The following L1TD1 variants were observed in gnomAD, a reference collection of about 807,000 sequenced individuals.
L1TD1 encodes the protein LINE-1 type transposase domain-containing protein 1.
In L1TD1, 26 loss-of-function variants were observed where a neutral mutation model predicts 25.7. The ratio of observed to expected loss-of-function variants is 1.01; its 90% CI spans 0.74 to 1.40. L1TD1 has a LOEUF of 1.40. L1TD1 is among the 40% of genes most tolerant of loss of function. The pLI is 0.00. For synonymous variants in L1TD1, 421 were observed against 335.6 expected (o/e 1.25, Z -2.78); for missense variants, 1,130 against 975.0 (o/e 1.16, Z -2.12).
chr1:62,206,717 T>C lies in L1TD1; in HGVS notation c.89T>C (p.Leu30Ser). 1.3e-6 allele frequency: 2 copies of C among 1,550,956 alleles called. No individual in the cohort carries two copies. The highest frequency in any genetic ancestry group is 1.7e-6 in the Non-Finnish European group (2 of 1,146,728). Residue 30 changes from leucine (L) to serine (S), a missense_variant, in exon 3 of 4, where the codon TTA becomes TCA. Leu to Ser is a moderately radical substitution (Grantham distance 145). Transcript: ENST00000498273. ...ENITYMKREQ[L>S]TETDKDIAPV... ...ATCACCTATATGAAAAGAGAGCAGTTAACAGAAACTGATAAGGACATAGCT... is the reference window on the plus strand; with the variant it reads ...ATCACCTATATGAAAAGAGAGCAGTCAACAGAAACTGATAAGGACATAGCT...
chr1:62,208,480 G>GTTTTTTT, intron 3 of L1TD1: 2 of 85,964 alleles, frequency 2.3e-5, no homozygotes, highest in African/African-American at 4.6e-5. Flanking sequence ...GCTGGAAGGG[G>GTTTTTTT]CTTTTTTTTT....
rs1336477674 is a variant in L1TD1 at position 62,211,063 on chromosome 1, AT to A, written c.2293del (p.Trp765GlyfsTer9). 2 of 1,550,964 alleles carry A rather than the reference AT, an allele frequency of 1.3e-6. No individual in the cohort carries two copies. The highest frequency in any genetic ancestry group is 2.0e-5 in the Admixed American group (1 of 50,848). On this transcript the variant is annotated frameshift_variant, in exon 4 of 4. Coordinates refer to ENST00000498273, the MANE Select transcript of L1TD1 (RefSeq NM_019079.5). LOFTEE classifies it low-confidence loss of function (END_TRUNC). ...TGACTCCTAGACACATCTTGGTGAA[AT>A]TTTGGAATTCTAGTGATAAAGAGAA... The part of the protein sequence containing the change: ...RLTPRHILVK[F>X]WNSSDKEKII...
Position 62,211,567 on chromosome 1 carries a change from A to C in L1TD1, c.*195A>C. On this transcript the variant is annotated 3_prime_UTR_variant, in exon 4 of 4. Coordinates refer to ENST00000498273, the MANE Select transcript of L1TD1 (RefSeq NM_019079.5). ...TGTTTAAAAAAAATAGGCTGGTCTC[A>C]ATGTAGTGAGTTATTTCAGTTGATC... 4 of 850,454 alleles carry C rather than the reference A, an allele frequency of 4.7e-6. No homozygotes were observed. The highest frequency in any genetic ancestry group is 5.0e-6 in the Non-Finnish European group (3 of 603,900). The allele number at this position is 850,454 out of a possible 1,614,324, so 52.7% of individuals were successfully genotyped here. A position where few individuals can be genotyped will look rare whatever the true frequency, so the allele number is the denominator to read the frequency against.
Position 62,206,661 on chromosome 1 carries a change from A to G in L1TD1, c.33A>G (p.Lys11=). MSDVSTSVQS[K]FARLAKKKEN... ...ATGTATCTACTAGTGTACAATCAAA[A>G]TTTGCTAGACTTGCAAAGAAAAAGG... Residue 11 remains lysine, a synonymous_variant, in exon 3 of 4, where the codon AAA becomes AAG. Coordinates refer to ENST00000498273, the MANE Select transcript of L1TD1 (RefSeq NM_019079.5). 1 of 1,546,532 alleles carries G rather than the reference A, an allele frequency of 6.5e-7. No individual in the cohort carries two copies. The highest frequency in any genetic ancestry group is 8.7e-7 in the Non-Finnish European group (1 of 1,145,456).
chr1:62,201,926 C>G (rs1017180767), intron 2 of L1TD1, among the ~76,000 whole-genome samples: 2 of 152,218 alleles, frequency 1.3e-5, no homozygotes, highest in Admixed American at 6.6e-5. Context: ...ATGGACCTGT[C>G]CGGTGGACTA....
intron 3 of L1TD1, among the ~76,000 whole-genome samples, chr1:62,208,731 G>A (rs954697196): frequency 7.9e-5 from 12 of 152,042 alleles, no homozygotes; most frequent in Non-Finnish European, 1.3e-4. Context: ...TACATGCCTT[G>A]GCCTCCCAAA....
intron 2 of L1TD1, among the ~76,000 whole-genome samples, chr1:62,203,183 G>A (rs754075579): frequency 9.9e-5 from 15 of 152,106 alleles, no homozygotes; most frequent in African/African-American, 3.4e-4. Flanking sequence ...ATACAGGCAT[G>A]CAATGTGTAA....
rs761467782 is a variant in L1TD1, at chr1:62,211,360, T to G, written c.2586T>G (p.Asn862Lys). 34 of 1,602,892 alleles carry G rather than the reference T, an allele frequency of 2.1e-5. No homozygotes were observed. The highest frequency in any genetic ancestry group is 2.5e-5 in the Non-Finnish European group (29 of 1,175,046). ...HMPTLRELLG[N>K]NIP is the part of the protein sequence containing the mutation. ...CCACCTTGAGAGAATTACTGGGGAA[T>G]AATATACCTTAGCACGCCAGGGTGA... Residue 862 changes from asparagine (N) to lysine (K), a missense_variant, in exon 4 of 4, where the codon AAT (asparagine) becomes AAG (lysine). By Grantham distance (94) the Asn-to-Lys change is moderately conservative (BLOSUM62 0). Transcript: ENST00000498273.
At chr1:62,203,067 T>C (rs1670673082) in intron 2 of L1TD1, among the ~76,000 whole-genome samples, 1 of 152,012 alleles carries the variant, frequency 6.6e-6, no homozygotes, top group South Asian at 2.1e-4. Flanking sequence ...AGCAATCCGC[T>C]CACTCACCTC....
chr1:62,195,292 G>A (rs1012198001), intron 1 of L1TD1, among the ~76,000 whole-genome samples: 5 of 152,228 alleles, frequency 3.3e-5, no homozygotes, highest in Admixed American at 2.6e-4. Context: ...GCAGGCAGTT[G>A]GCCCCCTCAC....
Position 62,210,825 on chromosome 1 carries a change from T to A in L1TD1, c.2051T>A (p.Ile684Lys). Residue 684 changes from isoleucine to lysine, a missense_variant, in exon 4 of 4, where the codon ATA (isoleucine) becomes AAA (lysine). Coordinates refer to ENST00000498273, the MANE Select transcript of L1TD1 (RefSeq NM_019079.5). ...SKDTMQMTKQ[I>K]ISKERQRDIE... The stretch of plus-strand genomic sequence containing the variant: ...GATACAATGCAAATGACCAAACAGA[T>A]AATTAGTAAAGAAAGGCAAAGAGAT... The A allele has an allele frequency of 6.5e-7, 1 of 1,549,226 alleles. No homozygotes were observed. Among genetic ancestry groups the A allele is most frequent in the African/African-American group, 1.4e-5 (1 of 72,912 alleles).
chr1:62,204,981 G>T (rs967210538), intron 2 of L1TD1, among the ~76,000 whole-genome samples: 1 of 151,956 alleles, frequency 6.6e-6, no homozygotes, highest in Non-Finnish European at 1.5e-5. Context: ...ACCCAGGCAG[G>T]TCTCAATCTC....
Position 62,196,483 on chromosome 1 carries a change from C to CGAA in L1TD1, c.-155_-154insAAG, listed in dbSNP as rs1670542115. 1 of 151,842 alleles carries CGAA rather than the reference C, an allele frequency of 6.6e-6. No individual in the cohort carries two copies. Among genetic ancestry groups the CGAA allele is most frequent in the South Asian group, 2.1e-4 (1 of 4,818 alleles). The allele number at this position is 151,842 out of a possible 1,614,324, so 9.4% of individuals were successfully genotyped here. On this transcript the variant is annotated 5_prime_UTR_variant, in exon 2 of 4. Transcript: ENST00000498273. ...GACCCGAGTCCTGCTCTGCGGAGTT[C>CGAA]GTCTTCCCAGCGAAGGTACAGAGGC...
At chr1:62,202,311 A>G (rs1670654405) in intron 2 of L1TD1, among the ~76,000 whole-genome samples, 1 of 152,024 alleles carries the variant, frequency 6.6e-6, no homozygotes, top group Non-Finnish European at 1.5e-5. Flanking sequence ...AAAAAAAAAA[A>G]AAGGCTGAGG....
At chr1:62,196,967 T>C (rs1158660320) in intron 2 of L1TD1, among the ~76,000 whole-genome samples, 2 of 152,022 alleles carry the variant, frequency 1.3e-5, no homozygotes, top group Admixed American at 1.3e-4. Flanking sequence ...ACTTATAATC[T>C]AGTGTGGGTC....
At chr1:62,205,433 A>ATTTTTTTTT (rs1161372604) in intron 2 of L1TD1, among the ~76,000 whole-genome samples, 18 of 40,058 alleles carry the variant, frequency 4.5e-4, no homozygotes, top group South Asian at 1.6e-3. Context: ...ATATATATAT[A>ATTTTTTTTT]TATATATATA....
In L1TD1 at chr1:62,210,876, A is replaced by G; in HGVS notation, c.2102A>G (p.Asn701Ser). Reference sequence around the variant, plus strand: ...ATAGAGGAGAGATCTAGAAGTTGCAACATTCGTTTGATAGGAATTCCAGAA... The same window carrying G: ...ATAGAGGAGAGATCTAGAAGTTGCAGCATTCGTTTGATAGGAATTCCAGAA... ...RDIEERSRSC[N>S]IRLIGIPEKE... The change falls in exon 4 of 4, where the codon AAC (asparagine) becomes AGC (serine). Residue 701 changes from asparagine to serine, a missense_variant. Coordinates refer to ENST00000498273, the MANE Select transcript of L1TD1 (RefSeq NM_019079.5). 3 of 1,551,468 alleles carry G rather than the reference A, an allele frequency of 1.9e-6. No homozygotes were observed. The highest frequency in any genetic ancestry group is 2.6e-6 in the Non-Finnish European group (3 of 1,146,936).
intron 2 of L1TD1, among the ~76,000 whole-genome samples, chr1:62,197,398 TATATATATATATATATATA>T (rs1670563564): frequency 9.4e-6 from 1 of 106,396 alleles, no homozygotes; most frequent in Non-Finnish European, 1.9e-5. Context: ...AAAAATAAAT[TATATATATATATATATATA>T]TATATATATA....
In L1TD1 at chr1:62,207,102, G is replaced by T. The variant is rs367875859; in HGVS notation, c.474G>T (p.Lys158Asn). 6.8e-6 allele frequency: 11 copies of T among 1,609,260 alleles called. No homozygotes were observed. Among genetic ancestry groups the T allele is most frequent in the Non-Finnish European group, 8.5e-6 (10 of 1,177,374 alleles). The change falls in exon 3 of 4, where the codon AAG (lysine) becomes AAT (asparagine). Residue 158 changes from lysine (K) to asparagine (N), a missense_variant. Transcript: ENST00000498273. ...ACGAATACAATAGTAATGATGGTAA[G>T]AAATTACCCCAGGGTGAATCACGAA... ...NTNEYNSNDG[K>N]KLPQGESRSY...
Sources: gnomAD v4.1 joint callset for allele counts (sites outside exome capture counted in the v4.1 genomes callset) on GRCh38, gnomAD v4.1.1 for gene constraint, MANE v1.5 for transcripts, NCBI Gene and HGNC (gene_info 2026-07-23, HGNC 2026-07-21) for gene names.